MED9: variants seen among roughly 807,000 people sequenced by gnomAD.
MED9 encodes mediator complex subunit 9.
In MED9, 8 loss-of-function variants were observed where a neutral mutation model predicts 13.2. That is an observed-to-expected ratio of 0.61 (90% confidence interval 0.36 to 1.10). The LOEUF (loss-of-function observed/expected upper bound fraction) is 1.10. MED9 is among the 50% of genes least tolerant of loss of function. The pLI is 0.02. For missense variants in MED9, 180 were observed against 193.4 expected (o/e 0.93, Z 0.41); for synonymous variants, 87 against 82.8 (o/e 1.05, Z -0.28).
chr17:17,482,338 G>A (rs1485706859), intron 1 of MED9, among the ~76,000 whole-genome samples: 1 of 152,124 alleles, frequency 6.6e-6, no homozygotes, highest in African/African-American at 2.4e-5. Flanking sequence ...CCCATCACCT[G>A]CCATCACCAT....
intron 1 of MED9, chr17:17,488,034 G>A (rs950599902): frequency 2.0e-5 from 3 of 152,188 alleles, no homozygotes; most frequent in African/African-American, 7.2e-5. Flanking sequence ...CTAAGCCTTG[G>A]TTGTCTCATT....
chr17:17,491,368 C>T lies in MED9; in HGVS notation c.314C>T (p.Pro105Leu). 6.2e-7 allele frequency: 1 copy of T among 1,614,002 alleles called. No homozygotes were observed. The highest frequency in any genetic ancestry group is 8.5e-7 in the Non-Finnish European group (1 of 1,180,032). The change falls in exon 2 of 2, where the codon CCC (proline) becomes CTC (leucine). Residue 105 changes from proline to leucine, a missense_variant. By Grantham distance (98) the Pro-to-Leu change is moderately conservative. Coordinates refer to ENST00000268711, the MANE Select transcript of MED9 (RefSeq NM_018019.3). ...ATGCGCAAGCTCATCAGCACCATGC[C>T]CGGCATCCACCTGAGCCCCGAACAG... ...QEMRKLISTM[P>L]GIHLSPEQQQ...
chr17:17,477,021 G>A lies in MED9; in HGVS notation c.-21G>A, dbSNP rs1255829439. On this transcript the variant is annotated 5_prime_UTR_variant, in exon 1 of 2. Transcript: ENST00000268711. Reference sequence around the variant, plus strand: ...CGACGCTTTTGGCGACCCGACCTCTGGCTAACCTACCCCCGGAGCCATGGC... The same window carrying A: ...CGACGCTTTTGGCGACCCGACCTCTAGCTAACCTACCCCCGGAGCCATGGC... 9 of 1,603,260 alleles carry A rather than the reference G, an allele frequency of 5.6e-6. No individual in the cohort carries two copies. The highest frequency in any genetic ancestry group is 6.8e-6 in the Non-Finnish European group (8 of 1,179,530).
rs184405774 is a variant in MED9 at position 17,480,468 on chromosome 17, T to C, written c.224+3203T>C. Among the ~76,000 whole-genome samples, 324 of 152,278 alleles carry C rather than the reference T, an allele frequency of 2.1e-3. 1 individual carries two copies. Among genetic ancestry groups the C allele is most frequent in the South Asian group, 6.6e-3 (32 of 4,824 alleles). ...TATATGAGTGGATGGCCAAGGTCAC[T>C]AAGCATAGGAAGAAACCCCCTGGTA... is the stretch of plus-strand genomic sequence containing the variant. On this transcript the variant is annotated intron_variant, in intron 1 of 1. Coordinates refer to ENST00000268711, the MANE Select transcript of MED9 (RefSeq NM_018019.3).
At position 17,492,460 on chromosome 17, in the gene MED9, G is replaced by C. The variant is rs967605847; in HGVS notation, c.*965G>C. 1 of 151,536 alleles carries C rather than the reference G, an allele frequency of 6.6e-6. No homozygotes were observed. Among genetic ancestry groups the C allele is most frequent in the African/African-American group, 2.5e-5 (1 of 40,748 alleles). The allele number at this position is 151,536 out of a possible 1,614,324, so 9.4% of individuals were successfully genotyped here. ...AGTATGCACCTTGTGTTGAGAGAGAGGCAACCCTGGGGGCCAGTTCAGGTG... is the reference window on the plus strand; with the variant it reads ...AGTATGCACCTTGTGTTGAGAGAGACGCAACCCTGGGGGCCAGTTCAGGTG... On this transcript the variant is annotated 3_prime_UTR_variant, in exon 2 of 2. Transcript: ENST00000268711.
At chr17:17,482,300 G>T (rs746400543) in intron 1 of MED9, among the ~76,000 whole-genome samples, 2 of 152,238 alleles carry the variant, frequency 1.3e-5, no homozygotes, top group Non-Finnish European at 2.9e-5. Flanking sequence ...CCTGATCTAT[G>T]CTTCCACCAA....
At chr17:17,491,221 C>A in intron 1 of MED9, 58 bp from the exon 2 acceptor site, 1 of 1,492,060 alleles carries the variant, frequency 6.7e-7, no homozygotes, top group Non-Finnish European at 9.3e-7. Flanking sequence ...GGGTGCAGGG[C>A]AGGAACGCCA....
chr17:17,479,601 G>A lies in MED9; in HGVS notation c.224+2336G>A, dbSNP rs148564876. Among the ~76,000 whole-genome samples the A allele has an allele frequency of 2.3e-3, 349 of 151,974 alleles. 8 individuals are homozygous for A. In the East Asian group the frequency reaches 0.059, roughly 26 times the overall value. On this transcript the variant is annotated intron_variant, in intron 1 of 1. Coordinates refer to ENST00000268711, the MANE Select transcript of MED9 (RefSeq NM_018019.3). ...ACACTTTAGGAGGCTGAGGCGAGCC[G>A]GTCGCTTGAGCCTGGGAGTTCAAGA...
intron 1 of MED9, chr17:17,477,526 C>G: frequency 4.3e-6 from 2 of 464,088 alleles, no homozygotes; most frequent in South Asian, 7.6e-5. Context: ...TGTCCAGCGG[C>G]TCAAATGTTC....
chr17:17,484,365 C>T (rs1905087506), intron 1 of MED9, among the ~76,000 whole-genome samples: 1 of 152,238 alleles, frequency 6.6e-6, no homozygotes, highest in African/African-American at 2.4e-5. Flanking sequence ...AGCACGCTGT[C>T]TGGCCCCTCC....
At chr17:17,480,183 G>A (rs1443440442) in intron 1 of MED9, among the ~76,000 whole-genome samples, 1 of 152,040 alleles carries the variant, frequency 6.6e-6, no homozygotes. Context: ...ACACTGCAGG[G>A]GTAGGTAGGG....
At chr17:17,485,554 G>A in intron 1 of MED9, 1 of 383,354 alleles carries the variant, frequency 2.6e-6, no homozygotes. Flanking sequence ...GGAAGAAGGG[G>A]GCACACAGGT....
At chr17:17,479,029 T>G (rs1316271808) in intron 1 of MED9, among the ~76,000 whole-genome samples, 2 of 152,140 alleles carry the variant, frequency 1.3e-5, no homozygotes, top group East Asian at 3.9e-4. Context: ...TTAAGAAAAA[T>G]GTGGAAAAAT....
chr17:17,481,206 G>A (rs563269638), intron 1 of MED9, among the ~76,000 whole-genome samples: 1 of 152,268 alleles, frequency 6.6e-6, no homozygotes, highest in Admixed American at 6.5e-5. Flanking sequence ...GGAGATGAGG[G>A]CTGGGACCAT....
At chr17:17,478,450 T>C (rs1242502) in intron 1 of MED9, among the ~76,000 whole-genome samples, 103,608 of 152,120 alleles carry the variant, frequency 0.68, 36,004 homozygotes, top group Non-Finnish European at 0.76. Flanking sequence ...TTTAAGCAAA[T>C]TAGATTCACT....
At chr17:17,477,317 C>G (rs992413599) in intron 1 of MED9, 52 bp downstream of exon 1, 2 of 1,505,444 alleles carry the variant, frequency 1.3e-6, no homozygotes, top group Non-Finnish European at 1.8e-6. Context: ...CTTCTCCTCT[C>G]AGCCGTTTCA....
chr17:17,480,190 AG>A (rs1905007914), intron 1 of MED9, among the ~76,000 whole-genome samples: 1 of 152,116 alleles, frequency 6.6e-6, no homozygotes, highest in African/African-American at 2.4e-5. Flanking sequence ...AGGGGTAGGT[AG>A]GGGGAGCCAT....
rs1905229438 is a variant in MED9, at chr17:17,491,574, C to T, written c.*79C>T. The T allele has an allele frequency of 1.5e-5, 20 of 1,353,056 alleles. No individual in the cohort carries two copies. Among genetic ancestry groups the T allele is most frequent in the Non-Finnish European group, 1.9e-5 (18 of 961,480 alleles). 83.8% of individuals were successfully genotyped at this position (1,353,056 alleles called of 1,614,324 possible). A position where few individuals can be genotyped will look rare whatever the true frequency, so the allele number is the denominator to read the frequency against. On this transcript the variant is annotated 3_prime_UTR_variant, in exon 2 of 2. Transcript: ENST00000268711. ...TACCATCCCCAAACGCTCCTTGGGG[C>T]GTGGTTCCTGTGGACCCCAGCTCAG...
rs1426538055 is a variant in MED9 at position 17,492,663 on chromosome 17, G to A, written c.*1168G>A. On this transcript the variant is annotated 3_prime_UTR_variant, in exon 2 of 2. Coordinates refer to ENST00000268711, the MANE Select transcript of MED9 (RefSeq NM_018019.3). ...GCAGTTCTCTCCGTTGCCTCTCGAG[G>A]AGGAGGTGCGAAGTCCTGGAGTATT... 2 of 152,236 alleles carry A rather than the reference G, an allele frequency of 1.3e-5. No individual in the cohort carries two copies. 9.4% of individuals were successfully genotyped at this position (152,236 alleles called of 1,614,324 possible). A position where few individuals can be genotyped will look rare whatever the true frequency, so the allele number is the denominator to read the frequency against.
Sources: gnomAD v4.1 joint callset for allele counts (sites outside exome capture counted in the v4.1 genomes callset) on GRCh38, gnomAD v4.1.1 for gene constraint, MANE v1.5 for transcripts, NCBI Gene and HGNC (gene_info 2026-07-23, HGNC 2026-07-21) for gene names.